The following GNG7 variants were observed in gnomAD, a reference collection of about 807,000 sequenced individuals.
GNG7 encodes G protein subunit gamma 7.
In GNG7, 1 loss-of-function variant was observed where a neutral mutation model predicts 4.0. That is an observed-to-expected ratio of 0.25 (90% confidence interval 0.09 to 1.18). The LOEUF (loss-of-function observed/expected upper bound fraction) is 1.18. Among genes scored for constraint, GNG7 ranks in the 50% most tolerant of loss-of-function variants. The probability of loss-of-function intolerance (pLI) is 0.50; values close to 1 mark genes in which losing one functional copy is unlikely to be tolerated. For synonymous variants in GNG7, 34 were observed against 36.9 expected (o/e 0.92, Z 0.29); for missense variants, 86 against 91.9 (o/e 0.94, Z 0.26).
At chr19:2,556,790 C>T (rs1286664510) in intron 2 of GNG7, among the ~76,000 whole-genome samples, 1 of 152,128 alleles carries the variant, frequency 6.6e-6, no homozygotes, top group African/African-American at 2.4e-5. Context: ...ACACCAGCGC[C>T]GGATTGTTCT....
intron 2 of GNG7, among the ~76,000 whole-genome samples, chr19:2,638,504 GGAA>G (rs1982389789): frequency 2.7e-4 from 4 of 14,748 alleles, no homozygotes; most frequent in African/African-American, 3.4e-4. Flanking sequence ...GGAGGGGAAT[GGAA>G]GGGGAGGGGA....
In GNG7 at chr19:2,557,012, T is replaced by TAC. The variant is rs899593931; in HGVS notation, c.-77-1826_-77-1825dup. The stretch of plus-strand genomic sequence containing the variant: ...GGGGGGCTGCCTCCCCTCCCACCTC[T>TAC]ACACACACACACGCACACACAGACA... On this transcript the variant is annotated intron_variant, in intron 2 of 4. Transcript: ENST00000382159. The surrounding 1 kb of genome is among the most constrained non-coding windows in gnomAD (Gnocchi z 5.1). 3.4e-5 allele frequency among the ~76,000 whole-genome samples: 4 copies of TAC among 118,048 alleles called. No individual in the cohort carries two copies. The highest frequency in any genetic ancestry group is 9.5e-5 in the African/African-American group (3 of 31,574). The allele number at this position is 118,048 out of a possible 152,430, so 77.4% of individuals were successfully genotyped here.
At position 2,515,015 on chromosome 19, in the gene GNG7, A is replaced by G. The variant is rs1599367849; in HGVS notation, c.*7T>C. The G allele has an allele frequency of 6.2e-7, 1 of 1,609,146 alleles. No homozygotes were observed. Among genetic ancestry groups the G allele is most frequent in the East Asian group, 2.2e-5 (1 of 44,850 alleles). ...GAGAGAGAGAGAGAGAACATATGAG[A>G]ACACAGTTATAAAATAATACAAGGT... On this transcript the variant is annotated 3_prime_UTR_variant, in exon 5 of 5. Transcript: ENST00000382159.
intron 1 of GNG7, among the ~76,000 whole-genome samples, chr19:2,649,156 T>C (rs1350116804): frequency 6.6e-6 from 1 of 151,794 alleles, no homozygotes; most frequent in Non-Finnish European, 1.5e-5. Context: ...AGCCTGGTCT[T>C]GAACTCCTGG....
At chr19:2,672,175 C>A (rs932040087) in intron 1 of GNG7, among the ~76,000 whole-genome samples, 4 of 148,588 alleles carry the variant, frequency 2.7e-5, no homozygotes, top group Admixed American at 1.3e-4. Flanking sequence ...GTAGCTGGGA[C>A]CACAGGCACC....
intron 1 of GNG7, among the ~76,000 whole-genome samples, chr19:2,692,055 G>A (rs558081778): frequency 4.8e-4 from 73 of 152,252 alleles, no homozygotes; most frequent in Non-Finnish European, 1.0e-3. Context: ...TGCTCACACC[G>A]TGACTTCAGA....
intron 2 of GNG7, among the ~76,000 whole-genome samples, chr19:2,570,849 G>GTA (rs1423577825): frequency 2.0e-5 from 3 of 152,166 alleles, no homozygotes; most frequent in Non-Finnish European, 4.4e-5. Context: ...CCAGGCTGGA[G>GTA]TACAGTGGTG....
At position 2,557,419 on chromosome 19, in the gene GNG7, C is replaced by T. The variant is rs115805808; in HGVS notation, c.-77-2231G>A. On this transcript the variant is annotated intron_variant, in intron 2 of 4. Coordinates refer to ENST00000382159, the MANE Select transcript of GNG7 (RefSeq NM_052847.3). This position sits in a 1 kb window ranked among gnomAD's most constrained non-coding sequence, Gnocchi z 5.1. ...CGAGCGCCTCCACCCAGCCCTGCAT[C>T]TGAAGCAAGGTCCTGCTAGTAAACA... Among the ~76,000 whole-genome samples, 812 of 152,312 alleles carry T rather than the reference C, an allele frequency of 5.3e-3. 10 individuals carry two copies. Among genetic ancestry groups the T allele is most frequent in the African/African-American group, 0.019 (769 of 41,548 alleles).
chr19:2,681,762 C>G (rs1467785471), intron 1 of GNG7, among the ~76,000 whole-genome samples: 2 of 152,150 alleles, frequency 1.3e-5, no homozygotes, highest in East Asian at 3.8e-4. Flanking sequence ...TCTCTACCTC[C>G]CCGTGAGCCC....
intron 1 of GNG7, among the ~76,000 whole-genome samples, chr19:2,680,748 T>A (rs1318217908): frequency 1.3e-5 from 2 of 151,686 alleles, no homozygotes; most frequent in Non-Finnish European, 2.9e-5. Context: ...GCTAATTTTG[T>A]ATTTTAGTAG....
intron 2 of GNG7, among the ~76,000 whole-genome samples, chr19:2,580,491 A>G (rs1293630384): frequency 1.3e-5 from 2 of 151,204 alleles, no homozygotes; most frequent in Admixed American, 6.6e-5. Flanking sequence ...AGGTTTTGCC[A>G]TGTTAGCCAG....
chr19:2,646,021 G>C (rs532421505), intron 2 of GNG7, among the ~76,000 whole-genome samples: 24 of 152,190 alleles, frequency 1.6e-4, no homozygotes, highest in Admixed American at 7.8e-4. Context: ...TCCCTGCCTC[G>C]TGGGCGGGAA....
chr19:2,567,350 T>TGTGTGTGTGTGA (rs1259433698), intron 2 of GNG7, among the ~76,000 whole-genome samples: 16 of 150,866 alleles, frequency 1.1e-4, no homozygotes, highest in African/African-American at 3.9e-4. Flanking sequence ...TGTGTGTGTG[T>TGTGTGTGTGTGA]GACATAGGGT....
At chr19:2,608,168 C>T (rs1981449528) in intron 2 of GNG7, among the ~76,000 whole-genome samples, 1 of 151,896 alleles carries the variant, frequency 6.6e-6, no homozygotes, top group African/African-American at 2.4e-5. Context: ...CGTGGCACGT[C>T]GGTTTCACAC....
intron 2 of GNG7, among the ~76,000 whole-genome samples, chr19:2,568,692 C>T (rs1483748553): frequency 1.3e-5 from 2 of 150,316 alleles, no homozygotes; most frequent in Non-Finnish European, 3.0e-5. Context: ...CACATACACA[C>T]ATACATAAAA....
chr19:2,552,407 CAG>C (rs1227750332), intron 3 of GNG7, among the ~76,000 whole-genome samples: 9 of 151,992 alleles, frequency 5.9e-5, no homozygotes, highest in South Asian at 2.1e-4. Flanking sequence ...GTTATTGAGA[CAG>C]AGTCTCGCTC....
intron 2 of GNG7, among the ~76,000 whole-genome samples, chr19:2,590,548 TCCATCCGCCCACTCATCCA>T (rs1980811490): frequency 1.6e-5 from 2 of 125,204 alleles, no homozygotes; most frequent in East Asian, 2.7e-4. Context: ...CAACCATCCA[TCCATCCGCCCACTCATCCA>T]TTCACCCATT....
intron 3 of GNG7, among the ~76,000 whole-genome samples, chr19:2,531,135 G>A (rs190480814): frequency 1.9e-4 from 29 of 151,916 alleles, no homozygotes; most frequent in African/African-American, 5.3e-4. Flanking sequence ...GTGAAACCCC[G>A]TCTCTACTAA....
intron 1 of GNG7, among the ~76,000 whole-genome samples, chr19:2,696,282 AAGAG>A (rs150887277): frequency 3.6e-4 from 46 of 128,770 alleles, no homozygotes; most frequent in African/African-American, 9.0e-4. Context: ...GAGAAAGAAA[AAGAG>A]AGAGAGAGAA....
Sources: gnomAD v4.1 joint callset for allele counts (sites outside exome capture counted in the v4.1 genomes callset) on GRCh38, gnomAD v4.1.1 for gene constraint, Gnocchi (gnomAD v3.1) non-coding constraint, MANE v1.5 for transcripts, NCBI Gene and HGNC (gene_info 2026-07-23, HGNC 2026-07-21) for gene names.